Variants in TRANK1 observed in about 807,000 individuals in gnomAD.
TRANK1 encodes TPR and ankyrin repeat-containing protein 1.
TRANK1 carries 198 observed loss-of-function variants against 266.0 expected under a neutral mutation model. The observed-to-expected ratio is 0.74, with a 90% CI of 0.66 to 0.84. The LOEUF is 0.84. TRANK1 is among the 40% of genes least tolerant of loss of function. TRANK1 has a pLI of 0.00. For synonymous variants in TRANK1, 1,396 were observed against 1,384.1 expected (o/e 1.01, Z -0.19); for missense variants, 3,326 against 3,634.6 (o/e 0.92, Z 2.18).
chr3:36,903,479 A>G (rs552197310), intron 2 of TRANK1, among the ~76,000 whole-genome samples: 2 of 152,294 alleles, frequency 1.3e-5, no homozygotes, highest in Non-Finnish European at 2.9e-5. Flanking sequence ...CTCACTCCCA[A>G]ATACTCTGCT....
intron 8 of TRANK1, among the ~76,000 whole-genome samples, chr3:36,883,060 G>C (rs966224000): frequency 6.6e-6 from 1 of 151,992 alleles, no homozygotes; most frequent in Non-Finnish European, 1.5e-5. Flanking sequence ...CCCTCTCCTA[G>C]ATGAAAAGTT....
At chr3:36,830,502 C>T (rs3732386) in intron 22 of TRANK1, among the ~76,000 whole-genome samples, 56,537 of 151,916 alleles carry the variant, frequency 0.37, 11,056 homozygotes, top group African/African-American at 0.46. Context: ...TTCTTAACAC[C>T]TTAAACATTT....
At chr3:36,935,339 A>G (rs1255087802) in intron 1 of TRANK1, among the ~76,000 whole-genome samples, 3 of 151,870 alleles carry the variant, frequency 2.0e-5, no homozygotes, top group South Asian at 2.1e-4. Context: ...TTCTTTTGCC[A>G]TATATTTCCC....
At chr3:36,869,720 G>A (rs1256446691) in intron 9 of TRANK1, among the ~76,000 whole-genome samples, 1 of 152,204 alleles carries the variant, frequency 6.6e-6, no homozygotes, top group African/African-American at 2.4e-5. Flanking sequence ...AAAGTCTAAA[G>A]CTACATTATC....
rs1559414636 is a variant in TRANK1, at chr3:36,833,635, G to T, written c.5948C>A (p.Ala1983Asp). 9 of 1,613,904 alleles carry T rather than the reference G, an allele frequency of 5.6e-6. No homozygotes were observed. The highest frequency in any genetic ancestry group is 7.6e-6 in the Non-Finnish European group (9 of 1,179,846). The change falls in exon 22 of 24, where the codon GCC (alanine) becomes GAC (aspartate). Residue 1983 changes from alanine to aspartate, a missense_variant. Ala to Asp is a moderately radical substitution (Grantham distance 126, BLOSUM62 -2). Transcript: ENST00000645898. ...GCLLEAARLT[A>D]DKDFQASCLL... ...ACATGAGGCCTGGAAGTCCTTGTCGGCAGTGAGCCTGGCAGCCTCCAGGAG... is the reference window on the plus strand; with the variant it reads ...ACATGAGGCCTGGAAGTCCTTGTCGTCAGTGAGCCTGGCAGCCTCCAGGAG...
At chr3:36,925,283 T>G (rs1450216418) in intron 1 of TRANK1, among the ~76,000 whole-genome samples, 1 of 152,238 alleles carries the variant, frequency 6.6e-6, no homozygotes, top group Non-Finnish European at 1.5e-5. Context: ...GTGCACATTT[T>G]AAACTAATGG....
chr3:36,918,355 C>T (rs2080154991), intron 1 of TRANK1, among the ~76,000 whole-genome samples: 1 of 151,236 alleles, frequency 6.6e-6, no homozygotes, highest in Non-Finnish European at 1.5e-5. Flanking sequence ...CTTAACACTG[C>T]CGAACTATAC....
chr3:36,916,958 G>T (rs2080135202), intron 1 of TRANK1, among the ~76,000 whole-genome samples: 1 of 152,122 alleles, frequency 6.6e-6, no homozygotes, highest in South Asian at 2.1e-4. Context: ...TGGGATTACA[G>T]ATGTACACCA....
chr3:36,929,166 A>G (rs2080327990), intron 1 of TRANK1: 1 of 144,586 alleles, frequency 6.9e-6, no homozygotes, highest in Non-Finnish European at 1.5e-5. Context: ...TTTTTTTGAG[A>G]TGGAGTCTTA....
intron 8 of TRANK1, among the ~76,000 whole-genome samples, chr3:36,883,698 T>C (rs2079563505): frequency 6.6e-6 from 1 of 152,126 alleles, no homozygotes; most frequent in Non-Finnish European, 1.5e-5. Flanking sequence ...GGTGCAAGGA[T>C]GAGACGGAAG....
intron 9 of TRANK1, among the ~76,000 whole-genome samples, chr3:36,866,262 A>C (rs2125562139): frequency 6.6e-6 from 1 of 152,378 alleles, no homozygotes; most frequent in East Asian, 1.9e-4. Flanking sequence ...AGCCTGGCCC[A>C]GAGTAGCACT....
intron 1 of TRANK1, among the ~76,000 whole-genome samples, chr3:36,923,407 C>A (rs2080244188): frequency 6.6e-6 from 1 of 152,104 alleles, no homozygotes; most frequent in African/African-American, 2.4e-5. Flanking sequence ...AGGCGTGCGC[C>A]ACCACGCCCA....
chr3:36,895,911 A>G (rs941378950), intron 4 of TRANK1, among the ~76,000 whole-genome samples, 153 bp from the exon 5 acceptor site: 3 of 152,218 alleles, frequency 2.0e-5, no homozygotes, highest in Admixed American at 1.3e-4. Context: ...AGTCCTTTAT[A>G]ATTGGTTGAA....
Position 36,832,480 on chromosome 3 carries a change from T to C in TRANK1, c.7103A>G (p.Glu2368Gly), listed in dbSNP as rs1193918450. ...TCTCCCCCTGCCCCTTTCATCCTTT[T>C]CAGACTCTAGAGCTTTGAGTTCCCT... The part of the protein sequence containing the change: ...YNRELKALES[E>G]KDERGRGRGS... Residue 2368 changes from glutamate to glycine, a missense_variant, in exon 22 of 24, where the codon GAA becomes GGA. Coordinates refer to ENST00000645898, the MANE Select transcript of TRANK1 (RefSeq NM_001329998.2). 1 of 1,613,982 alleles carries C rather than the reference T, an allele frequency of 6.2e-7. No homozygotes were observed. Among genetic ancestry groups the C allele is most frequent in the East Asian group, 2.2e-5 (1 of 44,886 alleles).
At chr3:36,852,574 G>T (rs2125537410) in intron 13 of TRANK1, among the ~76,000 whole-genome samples, 1 of 152,088 alleles carries the variant, frequency 6.6e-6, no homozygotes, top group Non-Finnish European at 1.5e-5. Context: ...AGTTTTGTGG[G>T]ATCTCATTCC....
At position 36,929,917 on chromosome 3, in the gene TRANK1, T is replaced by C. The variant is rs571427988; in HGVS notation, c.23+14870A>G. On this transcript the variant is annotated intron_variant, in intron 1 of 23. Coordinates refer to ENST00000645898, the MANE Select transcript of TRANK1 (RefSeq NM_001329998.2). ...GTTGTTGTTGTTGTTGTTGTTGTTG[T>C]TGTTTTGAGACGGAGTTTCACTCTT... is the stretch of plus-strand genomic sequence containing the variant. Among the ~76,000 whole-genome samples the C allele has an allele frequency of 6.6e-5, 10 of 152,192 alleles. 1 individual carries two copies. In the South Asian group the frequency reaches 2.1e-3, roughly 32 times the overall value.
At chr3:36,920,055 C>T (rs1393438718) in intron 1 of TRANK1, among the ~76,000 whole-genome samples, 1 of 152,192 alleles carries the variant, frequency 6.6e-6, no homozygotes, top group Admixed American at 6.5e-5. Context: ...AGCCATCATT[C>T]TCCTATGCGG....
At chr3:36,876,475 G>A (rs2079389518) in intron 8 of TRANK1, among the ~76,000 whole-genome samples, 1 of 152,234 alleles carries the variant, frequency 6.6e-6, no homozygotes, top group Non-Finnish European at 1.5e-5. Flanking sequence ...CACACTAGGA[G>A]CTATTGGGAG....
At chr3:36,839,314 C>G (rs1406568705) in intron 18 of TRANK1, among the ~76,000 whole-genome samples, 2 of 152,202 alleles carry the variant, frequency 1.3e-5, no homozygotes, top group Non-Finnish European at 2.9e-5. Flanking sequence ...TCTTTGCCAG[C>G]AGAAAGCTGC....
Sources: allele counts gnomAD v4.1 joint callset (sites outside exome capture counted in the v4.1 genomes callset), GRCh38; gene constraint gnomAD v4.1.1; transcripts MANE v1.5; gene names NCBI Gene and HGNC (gene_info 2026-07-23, HGNC 2026-07-21).